Variants in NRXN3 observed in about 807,000 individuals in gnomAD.
NRXN3 encodes neurexin 3.
In NRXN3, 32 loss-of-function variants were observed where a neutral mutation model predicts 137.6. That is an observed-to-expected ratio of 0.23 (90% CI 0.18 to 0.31). The LOEUF (loss-of-function observed/expected upper bound fraction) is 0.31, where lower values mean the gene tolerates loss of function less well. NRXN3 is among the 10% of genes least tolerant of loss of function. NRXN3 has a pLI of 1.00. For synonymous variants in NRXN3, 798 were observed against 784.5 expected, an observed-to-expected ratio of 1.02 and a Z score of -0.29; for missense variants, 1,574 against 2,062.5, an observed-to-expected ratio of 0.76 and a Z score of 4.59.
At chr14:78,639,263 C>A (rs904654644) in intron 4 of NRXN3, among the ~76,000 whole-genome samples, 1 of 152,194 alleles carries the variant, frequency 6.6e-6, no homozygotes, top group Admixed American at 6.5e-5. Flanking sequence ...TAAAGTACTG[C>A]ACTGTGCTGC....
intron 2 of NRXN3, among the ~76,000 whole-genome samples, chr14:78,277,045 G>C (rs1434014520): frequency 5.3e-5 from 8 of 152,170 alleles, no homozygotes; most frequent in Non-Finnish European, 1.2e-4. Context: ...ATGATTCAGA[G>C]CTTTCTAGAA....
intron 8 of NRXN3, among the ~76,000 whole-genome samples, chr14:78,727,781 C>T (rs1169255883): frequency 6.6e-6 from 1 of 152,138 alleles, no homozygotes; most frequent in Non-Finnish European, 1.5e-5. Context: ...TCACATTTAC[C>T]ACCTCGTCTT....
intron 4 of NRXN3, among the ~76,000 whole-genome samples, chr14:78,465,817 G>C (rs1272864958): frequency 4.0e-5 from 6 of 148,454 alleles, no homozygotes; most frequent in Non-Finnish European, 8.9e-5. Flanking sequence ...ACAGGCGTGA[G>C]CCACCGCGCC....
chr14:78,752,365 G>A (rs1178224144), intron 8 of NRXN3, among the ~76,000 whole-genome samples: 2 of 152,318 alleles, frequency 1.3e-5, no homozygotes, highest in African/African-American at 4.8e-5. Flanking sequence ...GCAGTGAGCT[G>A]AGATGGCACC....
intron 1 of NRXN3, among the ~76,000 whole-genome samples, chr14:78,185,645 T>C (rs2060168778): frequency 1.3e-5 from 2 of 152,168 alleles, no homozygotes; most frequent in African/African-American, 4.8e-5. Flanking sequence ...TTTGGGTCAG[T>C]TAGGGGTGCC....
chr14:78,952,868 C>T (rs1181455882), intron 10 of NRXN3, among the ~76,000 whole-genome samples: 2 of 152,146 alleles, frequency 1.3e-5, no homozygotes, highest in South Asian at 2.1e-4. Context: ...CCAACCTCCA[C>T]CCAAGCAAAA....
chr14:78,562,785 A>G (rs1435852448), intron 4 of NRXN3, among the ~76,000 whole-genome samples: 1 of 152,236 alleles, frequency 6.6e-6, no homozygotes. Flanking sequence ...TAGTTTTCTT[A>G]AAAATATAAA....
At chr14:78,362,364 A>G (rs1473257591) in intron 4 of NRXN3, among the ~76,000 whole-genome samples, 1 of 151,970 alleles carries the variant, frequency 6.6e-6, no homozygotes, top group African/African-American at 2.4e-5. Context: ...TGGGAACTAG[A>G]GATACGCATA....
intron 8 of NRXN3, among the ~76,000 whole-genome samples, chr14:78,734,755 C>T (rs372896093): frequency 2.9e-4 from 44 of 152,196 alleles, no homozygotes; most frequent in African/African-American, 1.0e-3. Flanking sequence ...TGTTACAAAG[C>T]CCAATAGGTA....
intron 6 of NRXN3, among the ~76,000 whole-genome samples, chr14:78,702,366 G>C (rs1250370998): frequency 6.7e-6 from 1 of 150,152 alleles, no homozygotes; most frequent in Non-Finnish European, 1.5e-5. Context: ...TAAATCCAGA[G>C]TTTTTCTTTT....
chr14:79,755,580 TC>T (rs1354342943), intron 19 of NRXN3, among the ~76,000 whole-genome samples: 3 of 151,736 alleles, frequency 2.0e-5, no homozygotes, highest in Non-Finnish European at 2.9e-5. Context: ...TCTCTACAAC[TC>T]ATTCTAATAT....
At chr14:78,509,898 A>C (rs895600574) in intron 4 of NRXN3, among the ~76,000 whole-genome samples, 1 of 152,114 alleles carries the variant, frequency 6.6e-6, no homozygotes, top group Admixed American at 6.6e-5. Flanking sequence ...GTCTGCCCTA[A>C]GAAACACAAA....
chr14:78,758,038 C>A (rs912201105), intron 8 of NRXN3, among the ~76,000 whole-genome samples: 1 of 152,126 alleles, frequency 6.6e-6, no homozygotes, highest in Non-Finnish European at 1.5e-5. Context: ...CTCCCTGCAG[C>A]CTTAGAGGAT....
At chr14:79,807,893 A>T (rs927969488) in intron 20 of NRXN3, among the ~76,000 whole-genome samples, 1 of 152,182 alleles carries the variant, frequency 6.6e-6, no homozygotes, top group Non-Finnish European at 1.5e-5. Context: ...TATATTTAAT[A>T]CAAGAAGTAG....
chr14:79,833,444 G>A (rs777948784), intron 20 of NRXN3, among the ~76,000 whole-genome samples: 8 of 152,006 alleles, frequency 5.3e-5, no homozygotes, highest in Non-Finnish European at 1.0e-4. Context: ...TATAACTCTG[G>A]AGTTTATGAG....
chr14:79,741,416 T>C (rs942284814), intron 19 of NRXN3, among the ~76,000 whole-genome samples: 1 of 152,138 alleles, frequency 6.6e-6, no homozygotes, highest in African/African-American at 2.4e-5. Context: ...TCAAGAAATA[T>C]ATCTGACATT....
At chr14:78,953,183 A>G (rs888758609) in intron 10 of NRXN3, among the ~76,000 whole-genome samples, 1 of 152,204 alleles carries the variant, frequency 6.6e-6, no homozygotes, top group African/African-American at 2.4e-5. Flanking sequence ...ATGCTCAAAT[A>G]TAGATTTTTA....
At chr14:79,248,202 T>G (rs976135395) in intron 15 of NRXN3, among the ~76,000 whole-genome samples, 11 of 152,224 alleles carry the variant, frequency 7.2e-5, no homozygotes, top group African/African-American at 2.7e-4. Flanking sequence ...TGACCTCGGC[T>G]TACAATACAA....
intron 15 of NRXN3, among the ~76,000 whole-genome samples, chr14:79,031,937 G>C (rs1404637298): frequency 6.6e-6 from 1 of 152,058 alleles, no homozygotes; most frequent in Non-Finnish European, 1.5e-5. Context: ...AAGTCTGTTA[G>C]GTTTTCTGAA....
Sources: gnomAD v4.1 joint callset for allele counts (sites outside exome capture counted in the v4.1 genomes callset) on GRCh38, gnomAD v4.1.1 for gene constraint, MANE v1.5 for transcripts, NCBI Gene and HGNC (gene_info 2026-07-23, HGNC 2026-07-21) for gene names.